The following PTPN3 variants were observed in gnomAD, a reference collection of about 807,000 sequenced individuals.
The protein encoded by PTPN3 is tyrosine-protein phosphatase non-receptor type 3.
A neutral mutation model predicts 132.7 loss-of-function variants in PTPN3; 96 were observed. That is an observed-to-expected ratio of 0.72 (90% CI 0.61 to 0.86). The LOEUF is 0.86. Among genes scored for constraint, PTPN3 ranks in the 40% least tolerant of loss-of-function variants. PTPN3 has a pLI of 0.00. For missense variants in PTPN3, 1,125 were observed against 1,159.6 expected (o/e 0.97, Z 0.43); for synonymous variants, 398 against 429.0 (o/e 0.93, Z 0.89).
rs569657445 is a variant in PTPN3 at position 109,399,153 on chromosome 9, AG to A, written c.1953+5294del. On this transcript the variant is annotated intron_variant, in intron 19 of 25. Transcript: ENST00000374541. ...CAGCAATGGCGAGTTGCCGACAATA[AG>A]TTAAAATTTTATTTATTTTTTTGAG... is the stretch of plus-strand genomic sequence containing the variant. 3.3e-3 allele frequency among the ~76,000 whole-genome samples: 508 copies of A among 152,272 alleles called. 2 individuals are homozygous for A. Among genetic ancestry groups the A allele is most frequent in the Non-Finnish European group, 5.9e-3 (402 of 68,018 alleles).
rs182910792 is a variant in PTPN3 at position 109,391,103 on chromosome 9, T to C, written c.2106+35A>G. 220 of 1,584,548 alleles carry C rather than the reference T, an allele frequency of 1.4e-4. 1 individual carries two copies. The African/African-American group carries it at 2.6e-3, about 19-fold the overall frequency. On this transcript the variant is annotated intron_variant, in intron 21 of 25. Coordinates refer to ENST00000374541, the MANE Select transcript of PTPN3 (RefSeq NM_002829.4). ...TCATCATCGTTGCGACAGTGGTGAA[T>C]GTGCTCTTAAGCATCATCCAGATTC...
At chr9:109,415,281 G>A (rs1400578921) in intron 14 of PTPN3, among the ~76,000 whole-genome samples, 1 of 152,186 alleles carries the variant, frequency 6.6e-6, no homozygotes, top group Non-Finnish European at 1.5e-5. Flanking sequence ...ATGTTACAGT[G>A]GAGATGCTCA....
At chr9:109,449,938 T>C in intron 5 of PTPN3, 3 of 985,422 alleles carry the variant, frequency 3.0e-6, no homozygotes, top group Non-Finnish European at 3.6e-6. Context: ...GGTACTACTT[T>C]GTAACTTTCC....
At chr9:109,399,709 G>A (rs545173413) in intron 19 of PTPN3, among the ~76,000 whole-genome samples, 40 of 151,004 alleles carry the variant, frequency 2.6e-4, no homozygotes, top group Admixed American at 1.6e-3. Flanking sequence ...ACCAGCTCTC[G>A]CAGAAGGGAA....
chr9:109,534,186 G>T, the PTPN3 span: 2 of 1,025,322 alleles, frequency 2.0e-6, no homozygotes, highest in Non-Finnish European at 3.0e-6. Context: ...TGTCCCCGCC[G>T]GCAGGTGCTG....
At chr9:109,486,618 C>G (rs1041648520) in intron 1 of PTPN3, among the ~76,000 whole-genome samples, 1 of 152,082 alleles carries the variant, frequency 6.6e-6, no homozygotes, top group East Asian at 1.9e-4. Flanking sequence ...AGCTCTGTTT[C>G]AGAAATGCAG....
At chr9:109,534,315 C>A in the PTPN3 span, 1 of 1,522,914 alleles carries the variant, frequency 6.6e-7, no homozygotes, top group South Asian at 1.2e-5. Flanking sequence ...GCTGCTGGGT[C>A]TCGGCCTCGC....
intron 14 of PTPN3, among the ~76,000 whole-genome samples, chr9:109,410,868 CTGT>C (rs950649947): frequency 1.2e-4 from 19 of 152,162 alleles, no homozygotes; most frequent in African/African-American, 2.2e-4. Flanking sequence ...GGAAACAGGA[CTGT>C]TGTTGTTGTG....
intron 1 of PTPN3, among the ~76,000 whole-genome samples, chr9:109,480,315 A>T (rs1190449621): frequency 6.6e-6 from 1 of 152,018 alleles, no homozygotes; most frequent in Non-Finnish European, 1.5e-5. Flanking sequence ...CTACAGGCAC[A>T]CACCACACCT....
At chr9:109,437,277 A>G (rs1049726460) in intron 8 of PTPN3, among the ~76,000 whole-genome samples, 2 of 152,314 alleles carry the variant, frequency 1.3e-5, no homozygotes, top group East Asian at 3.9e-4. Context: ...CCAAGTTGCT[A>G]ATTAGTAGGG....
intron 3 of PTPN3, 26 bp from the exon 4 acceptor site, chr9:109,457,241 T>TA: frequency 6.2e-7 from 1 of 1,613,506 alleles, no homozygotes; most frequent in East Asian, 2.2e-5. Context: ...ACATAAAATA[T>TA]AAAAGCAAAC....
the PTPN3 span, chr9:109,534,061 G>A: frequency 2.2e-5 from 17 of 768,740 alleles, no homozygotes; most frequent in South Asian, 1.2e-4. Context: ...CTTCGTTTTG[G>A]CAGTCTGGGG....
intron 4 of PTPN3, among the ~76,000 whole-genome samples, chr9:109,455,701 G>A (rs551402316): frequency 5.9e-5 from 9 of 152,098 alleles, no homozygotes; most frequent in Non-Finnish European, 8.8e-5. Flanking sequence ...TCATCTCTGC[G>A]CTGCAGGCAT....
rs2131566629 is a variant in PTPN3, at chr9:109,378,543, C to G, written c.*1013G>C. The G allele has an allele frequency of 6.5e-6, 1 of 152,690 alleles. No individual in the cohort carries two copies. The highest frequency in any genetic ancestry group is 1.5e-5 in the Non-Finnish European group (1 of 68,050). 9.5% of individuals were successfully genotyped at this position (152,690 alleles called of 1,614,324 possible). ...GTTAGGAATCCTGAGAAACACTCACCCCTGGGCACACACATGTACACAGCC... is the reference window on the plus strand; with the variant it reads ...GTTAGGAATCCTGAGAAACACTCACGCCTGGGCACACACATGTACACAGCC... On this transcript the variant is annotated 3_prime_UTR_variant, in exon 26 of 26. Transcript: ENST00000374541.
At chr9:109,496,196 T>C (rs190472857) in intron 1 of PTPN3, among the ~76,000 whole-genome samples, 37 of 152,344 alleles carry the variant, frequency 2.4e-4, no homozygotes, top group African/African-American at 8.9e-4. Flanking sequence ...CTCTGCAAAT[T>C]GGTATTCCAT....
the PTPN3 span, among the ~76,000 whole-genome samples, chr9:109,511,097 T>C: frequency 6.6e-6 from 1 of 152,186 alleles, no homozygotes; most frequent in African/African-American, 2.4e-5. Flanking sequence ...ATTAAAGCAC[T>C]GACCATGGGA....
intron 5 of PTPN3, chr9:109,449,165 G>T: frequency 8.6e-7 from 1 of 1,157,610 alleles, no homozygotes; most frequent in Non-Finnish European, 1.1e-6. Flanking sequence ...TGGTACTATG[G>T]GTTCCGCTGT....
chr9:109,381,232 C>A (rs1344367878), intron 25 of PTPN3, among the ~76,000 whole-genome samples: 1 of 152,154 alleles, frequency 6.6e-6, no homozygotes, highest in Non-Finnish European at 1.5e-5. Context: ...GGATGTTGCA[C>A]ATGACCCTAC....
chr9:109,488,230 T>C (rs1335374944), intron 1 of PTPN3, among the ~76,000 whole-genome samples: 2 of 150,614 alleles, frequency 1.3e-5, no homozygotes, highest in African/African-American at 4.9e-5. Flanking sequence ...GCCTCCGGAG[T>C]AGCTGCGACT....
Sources: allele counts gnomAD v4.1 joint callset (sites outside exome capture counted in the v4.1 genomes callset), GRCh38; gene constraint gnomAD v4.1.1; transcripts MANE v1.5; gene names NCBI Gene and HGNC (gene_info 2026-07-23, HGNC 2026-07-21).